Variants in EYS observed in about 807,000 individuals in gnomAD.
The protein encoded by EYS is protein eyes shut homolog.
EYS carries 250 observed loss-of-function variants against 282.1 expected under a neutral mutation model. The ratio of observed to expected loss-of-function variants is 0.89; its 90% confidence interval spans 0.80 to 0.98. EYS has a LOEUF of 0.98. EYS is among the 50% of genes least tolerant of loss of function. EYS has a pLI of 0.00. For missense variants in EYS, 4,016 were observed against 3,709.0 expected (o/e 1.08, Z -2.15); for synonymous variants, 1,355 against 1,282.9 (o/e 1.06, Z -1.20).
chr6:65,239,698 T>G (rs1238191843), intron 12 of EYS, among the ~76,000 whole-genome samples: 1 of 151,984 alleles, frequency 6.6e-6, no homozygotes, highest in Non-Finnish European at 1.5e-5. Context: ...TTAAAGAAAA[T>G]GGTTTTTGAA....
chr6:64,280,775 C>A (rs1768278825), intron 30 of EYS, among the ~76,000 whole-genome samples: 1 of 152,106 alleles, frequency 6.6e-6, no homozygotes, highest in Non-Finnish European at 1.5e-5. Flanking sequence ...CCAGGGGGCA[C>A]TGCTGTACTG....
At chr6:64,210,433 C>T (rs909356002) in intron 31 of EYS, among the ~76,000 whole-genome samples, 23 of 152,020 alleles carry the variant, frequency 1.5e-4, no homozygotes, top group Non-Finnish European at 7.4e-5. Context: ...AGCCTGTATC[C>T]GTGGTGTCTC....
intron 13 of EYS, among the ~76,000 whole-genome samples, chr6:65,044,245 T>C (rs1257186910): frequency 6.6e-6 from 1 of 151,896 alleles, no homozygotes; most frequent in African/African-American, 2.4e-5. Flanking sequence ...TGTGTGTTTT[T>C]TGTTATAGAG....
chr6:65,490,077 G>T (rs183998544), intron 5 of EYS: 242 of 153,472 alleles, frequency 1.6e-3, no homozygotes, highest in Non-Finnish European at 2.9e-3. Context: ...GCATACCTAT[G>T]TAACAAAATT....
chr6:65,155,174 A>G (rs1484330965), intron 12 of EYS, among the ~76,000 whole-genome samples: 1 of 151,516 alleles, frequency 6.6e-6, no homozygotes, highest in Non-Finnish European at 1.5e-5. Flanking sequence ...TTTTTATTTC[A>G]GGTAACATTC....
intron 29 of EYS, among the ~76,000 whole-genome samples, chr6:64,342,891 G>C (rs962279858): frequency 1.3e-5 from 2 of 152,050 alleles, no homozygotes; most frequent in African/African-American, 4.8e-5. Flanking sequence ...ACAAAAAAAG[G>C]CAGGGGTTGC....
chr6:64,353,151 T>C (rs536414729), intron 29 of EYS, among the ~76,000 whole-genome samples: 1 of 151,634 alleles, frequency 6.6e-6, no homozygotes, highest in South Asian at 2.1e-4. Context: ...AATTCCCTAT[T>C]TCCTGCTTTA....
intron 29 of EYS, among the ~76,000 whole-genome samples, chr6:64,346,515 G>T (rs1159560623): frequency 6.6e-6 from 1 of 150,980 alleles, no homozygotes; most frequent in African/African-American, 2.4e-5. Context: ...GAACACATGG[G>T]TACAGGAAGG....
chr6:64,837,525 AG>A (rs1345233965), intron 19 of EYS, among the ~76,000 whole-genome samples: 1 of 150,718 alleles, frequency 6.6e-6, no homozygotes, highest in Non-Finnish European at 1.5e-5. Context: ...AAATGAAAAA[AG>A]AGTAAGTCAA....
intron 27 of EYS, among the ~76,000 whole-genome samples, chr6:64,438,460 C>A (rs983629203): frequency 1.3e-5 from 2 of 151,648 alleles, no homozygotes; most frequent in Non-Finnish European, 3.0e-5. Flanking sequence ...GCAAATAACA[C>A]CCCTTGCCTA....
chr6:65,012,309 CATT>C (rs1357464224), intron 13 of EYS, among the ~76,000 whole-genome samples: 1 of 152,088 alleles, frequency 6.6e-6, no homozygotes, highest in Non-Finnish European at 1.5e-5. Flanking sequence ...AACAAAGCAA[CATT>C]ATTATTTGAG....
chr6:64,260,379 G>C (rs1474833), intron 30 of EYS, among the ~76,000 whole-genome samples: 104,463 of 151,882 alleles, frequency 0.69, 35,950 homozygotes, highest in South Asian at 0.71. Context: ...TCCCACAGGT[G>C]GATTTCATCC....
chr6:63,773,874 G>A (rs1769995072), intron 40 of EYS, among the ~76,000 whole-genome samples: 2 of 152,254 alleles, frequency 1.3e-5, no homozygotes, highest in African/African-American at 2.4e-5. Context: ...CCTCTAAAAT[G>A]ATAAGCACAT....
chr6:64,449,864 C>G (rs1037925218), intron 26 of EYS, among the ~76,000 whole-genome samples: 1 of 152,078 alleles, frequency 6.6e-6, no homozygotes, highest in Admixed American at 6.5e-5. Context: ...AAGCACTAAA[C>G]ATGGAAAGGA....
At chr6:65,495,676 C>T in intron 3 of EYS, 69 bp from the exon 4 acceptor site, 1 of 519,834 alleles carries the variant, frequency 1.9e-6, no homozygotes, top group Non-Finnish European at 3.4e-6. Context: ...AAAATGCTAG[C>T]TCTTTTTGTG....
chr6:64,330,320 C>A (rs1770591298), intron 29 of EYS, among the ~76,000 whole-genome samples: 1 of 152,136 alleles, frequency 6.6e-6, no homozygotes, highest in South Asian at 2.1e-4. Context: ...CACTGGACAA[C>A]AAGTGTGGGA....
At position 64,584,716 on chromosome 6, in the gene EYS, C is replaced by T. The variant is rs370524420; in HGVS notation, c.5644+5507G>A. On this transcript the variant is annotated intron_variant, in intron 26 of 42. Transcript: ENST00000503581. ...ATTGTTTTACTGTTCTAGTGGTCAG[C>T]ATTTTGCCATCAATTTAAAAGAACA... Among the ~76,000 whole-genome samples, 6 of 152,150 alleles carry T rather than the reference C, an allele frequency of 3.9e-5. No individual in the cohort carries two copies. In the East Asian group the frequency reaches 7.7e-4, roughly 20 times the overall value.
intron 29 of EYS, among the ~76,000 whole-genome samples, chr6:64,308,547 T>C (rs989868543): frequency 6.6e-6 from 1 of 152,060 alleles, no homozygotes; most frequent in Non-Finnish European, 1.5e-5. Context: ...AGAGAAACCA[T>C]TAAACTTACA....
intron 40 of EYS, 118 bp downstream of exon 40, chr6:63,777,888 C>T: frequency 2.0e-6 from 2 of 996,006 alleles, no homozygotes; most frequent in South Asian, 3.1e-5. Context: ...TACATAAGAA[C>T]ATTTTAAATA....
Sources: allele counts gnomAD v4.1 joint callset (sites outside exome capture counted in the v4.1 genomes callset), GRCh38; gene constraint gnomAD v4.1.1; transcripts MANE v1.5; gene names NCBI Gene and HGNC (gene_info 2026-07-23, HGNC 2026-07-21).